The following KIAA1549L variants were observed in gnomAD, a reference collection of about 807,000 sequenced individuals.
The protein encoded by KIAA1549L is UPF0606 protein KIAA1549L.
KIAA1549L carries 88 observed loss-of-function variants against 160.7 expected under a neutral mutation model. The ratio of observed to expected loss-of-function variants is 0.55; its 90% confidence interval spans 0.46 to 0.65. KIAA1549L has a LOEUF of 0.65. KIAA1549L is among the 30% of genes least tolerant of loss of function. The pLI is 0.00. For synonymous variants in KIAA1549L, 950 were observed against 976.7 expected (o/e 0.97, Z 0.51); for missense variants, 2,258 against 2,437.5 (o/e 0.93, Z 1.55).
intron 1 of KIAA1549L, among the ~76,000 whole-genome samples, chr11:33,488,822 T>C (rs1447326981): frequency 6.6e-6 from 1 of 152,240 alleles, no homozygotes; most frequent in Non-Finnish European, 1.5e-5. Flanking sequence ...TTCTTATTTC[T>C]ATTTTCTAGA....
chr11:33,426,006 A>G (rs1851108257), intron 1 of KIAA1549L, among the ~76,000 whole-genome samples: 3 of 152,318 alleles, frequency 2.0e-5, no homozygotes, highest in South Asian at 4.1e-4. Flanking sequence ...AGACTGAGGA[A>G]CTGTCACAGA....
chr11:33,413,399 C>G (rs1850822129), intron 1 of KIAA1549L, among the ~76,000 whole-genome samples: 1 of 149,706 alleles, frequency 6.7e-6, no homozygotes, highest in Non-Finnish European at 1.5e-5. Context: ...GATCATGCCA[C>G]TGCGCGCCAG....
At chr11:33,528,322 C>T (rs1451883871) in intron 1 of KIAA1549L, among the ~76,000 whole-genome samples, 1 of 152,132 alleles carries the variant, frequency 6.6e-6, no homozygotes, top group East Asian at 1.9e-4. Context: ...AAAATCAAAA[C>T]ATAAGAAATG....
intron 1 of KIAA1549L, among the ~76,000 whole-genome samples, chr11:33,424,646 ATC>A (rs1410295289): frequency 6.6e-6 from 1 of 152,198 alleles, no homozygotes; most frequent in Non-Finnish European, 1.5e-5. Flanking sequence ...TTGTATTTTT[ATC>A]TTTTAATTTC....
chr11:33,544,688 G>A, intron 2 of KIAA1549L, 79 bp from the exon 3 acceptor site: 1 of 1,510,700 alleles, frequency 6.6e-7, no homozygotes, highest in East Asian at 2.3e-5. Flanking sequence ...AAATCCATAA[G>A]TTACATCCAT....
At chr11:33,581,639 G>T (rs1855648228) in intron 10 of KIAA1549L, among the ~76,000 whole-genome samples, 1 of 152,096 alleles carries the variant, frequency 6.6e-6, no homozygotes, top group South Asian at 2.1e-4. Context: ...CGGGAAATGG[G>T]TTTTCCTATC....
chr11:33,619,081 C>T (rs1032187506), intron 16 of KIAA1549L, among the ~76,000 whole-genome samples: 1 of 152,180 alleles, frequency 6.6e-6, no homozygotes, highest in Non-Finnish European at 1.5e-5. Flanking sequence ...CCTCGGTATG[C>T]CATGGAAACA....
At position 33,624,240 on chromosome 11, in the gene KIAA1549L, G is replaced by A. The variant is rs1851035396; in HGVS notation, c.5409+5578G>A. Among the ~76,000 whole-genome samples, 4 of 152,194 alleles carry A rather than the reference G, an allele frequency of 2.6e-5. No homozygotes were observed. The South Asian group carries it at 6.2e-4, about 24-fold the overall frequency. On this transcript the variant is annotated intron_variant, in intron 16 of 20. Coordinates refer to ENST00000658780, the MANE Select transcript of KIAA1549L (RefSeq NM_012194.3). ...CAGTCATTGGATGTCCTTGGGTGAG[G>A]CTGTTCTCTTTAGCCAAGGGCAGTT...
intron 16 of KIAA1549L, among the ~76,000 whole-genome samples, chr11:33,645,377 A>G (rs993330031): frequency 7.9e-5 from 12 of 152,188 alleles, no homozygotes; most frequent in African/African-American, 2.9e-4. Context: ...AAAAGATTTT[A>G]GAAAGTACCG....
chr11:33,629,167 A>T (rs2133371495), intron 16 of KIAA1549L, among the ~76,000 whole-genome samples: 1 of 152,250 alleles, frequency 6.6e-6, no homozygotes, highest in East Asian at 1.9e-4. Context: ...TGTTAGTCTG[A>T]TGGGCTTCCC....
At chr11:33,479,508 C>G (rs1371403264) in intron 1 of KIAA1549L, among the ~76,000 whole-genome samples, 2 of 152,044 alleles carry the variant, frequency 1.3e-5, no homozygotes, top group African/African-American at 4.8e-5. Context: ...ACAAGCTGGC[C>G]CTTGAAGTGG....
At chr11:33,647,375 CAAAAAAA>C (rs10578169) in intron 17 of KIAA1549L, among the ~76,000 whole-genome samples, 214 of 115,064 alleles carry the variant, frequency 1.9e-3, no homozygotes, top group Middle Eastern at 8.8e-3. Flanking sequence ...GACTCTGTCT[CAAAAAAA>C]AAAAAAAAAA....
Position 33,542,713 on chromosome 11 carries a change from G to GA in KIAA1549L, c.1150_1151insA (p.Ala384AspfsTer24). 6.2e-7 allele frequency: 1 copy of GA among 1,613,976 alleles called. No individual in the cohort carries two copies. Among genetic ancestry groups the GA allele is most frequent in the Non-Finnish European group, 8.5e-7 (1 of 1,179,870 alleles). On this transcript the variant is annotated frameshift_variant, in exon 2 of 21. Transcript: ENST00000658780. LOFTEE classifies it high-confidence loss of function. ...AATGTTGGAAGTGGCTTCAGGTCCT[G>GA]CATCCACCCAGCAGATCAAAGCTGG...
chr11:33,460,057 C>G (rs1186541114), intron 1 of KIAA1549L, among the ~76,000 whole-genome samples: 2 of 151,610 alleles, frequency 1.3e-5, no homozygotes, highest in Non-Finnish European at 2.9e-5. Context: ...CTTTAATGCT[C>G]TCCCCATACT....
chr11:33,557,782 G>A (rs1344418642), intron 6 of KIAA1549L, among the ~76,000 whole-genome samples: 1 of 152,120 alleles, frequency 6.6e-6, no homozygotes, highest in Middle Eastern at 3.2e-3. Context: ...AGCTATCCAG[G>A]AGGCTGAGGT....
intron 1 of KIAA1549L, among the ~76,000 whole-genome samples, chr11:33,507,890 G>T (rs181181018): frequency 1.1e-3 from 166 of 152,210 alleles, no homozygotes; most frequent in African/African-American, 3.7e-3. Flanking sequence ...TTTATTATAC[G>T]TGTTAGTACT....
At chr11:33,630,505 G>A (rs895280246) in intron 16 of KIAA1549L, among the ~76,000 whole-genome samples, 2 of 152,238 alleles carry the variant, frequency 1.3e-5, no homozygotes, top group Non-Finnish European at 2.9e-5. Flanking sequence ...TAAGCCTGTC[G>A]GAAAAGCGCA....
intron 1 of KIAA1549L, among the ~76,000 whole-genome samples, chr11:33,523,348 A>G (rs1853540719): frequency 6.6e-6 from 1 of 152,254 alleles, no homozygotes; most frequent in African/African-American, 2.4e-5. Flanking sequence ...GTGTATGCGT[A>G]TGCCCTGTGA....
chr11:33,643,137 T>A (rs890749999), intron 16 of KIAA1549L, among the ~76,000 whole-genome samples: 2 of 152,158 alleles, frequency 1.3e-5, no homozygotes, highest in Non-Finnish European at 2.9e-5. Flanking sequence ...GAACTCCCCA[T>A]GCAGAATGGA....
Sources: gnomAD v4.1 joint callset for allele counts (sites outside exome capture counted in the v4.1 genomes callset) on GRCh38, gnomAD v4.1.1 for gene constraint, MANE v1.5 for transcripts, NCBI Gene and HGNC (gene_info 2026-07-23, HGNC 2026-07-21) for gene names.